The following SYT16 variants were observed in gnomAD, a reference collection of about 807,000 sequenced individuals.
The protein encoded by SYT16 is synaptotagmin-16.
SYT16 carries 42 observed loss-of-function variants against 61.4 expected under a neutral mutation model. That is an observed-to-expected ratio of 0.68 (90% CI 0.53 to 0.89). The LOEUF (loss-of-function observed/expected upper bound fraction) is 0.89. SYT16 is among the 40% of genes least tolerant of loss of function. The probability of loss-of-function intolerance (pLI) is 0.00; values close to 1 mark genes in which losing one functional copy is unlikely to be tolerated. For synonymous variants in SYT16, 314 were observed against 302.3 expected (o/e 1.04, Z -0.40); for missense variants, 804 against 807.3 (o/e 1.00, Z 0.05).
At chr14:61,938,849 A>G (rs2050093401) in intron 1 of SYT16, among the ~76,000 whole-genome samples, 6 of 152,202 alleles carry the variant, frequency 3.9e-5, no homozygotes, top group Admixed American at 3.3e-4. Flanking sequence ...AAGGACAGAC[A>G]TGAGGCTGGG....
chr14:61,999,396 T>C lies in SYT16; in HGVS notation c.523+2854T>C, dbSNP rs72718551. On this transcript the variant is annotated intron_variant, in intron 3 of 7. Transcript: ENST00000683842. ...CATTTCATCTATGTTGTTGAAGTTA[T>C]GGACATAGTAGTTAATTACTACTTT... Among the ~76,000 whole-genome samples the C allele has an allele frequency of 8.6e-3, 1,302 of 151,862 alleles. 24 individuals are homozygous for C. Among genetic ancestry groups the C allele is most frequent in the Non-Finnish European group, 8.3e-3 (564 of 67,784 alleles).
intron 1 of SYT16, among the ~76,000 whole-genome samples, chr14:61,950,245 T>C (rs754936066): frequency 2.6e-5 from 4 of 152,188 alleles, no homozygotes; most frequent in Admixed American, 6.5e-5. Context: ...TTGGCCTTGA[T>C]TCTGGAAAGG....
chr14:61,936,833 A>G (rs217691), intron 1 of SYT16, among the ~76,000 whole-genome samples: 138,827 of 152,280 alleles, frequency 0.91, 63,411 homozygotes, highest in South Asian at 0.98. Flanking sequence ...GCTGGGCCTG[A>G]CATGTTCCCT....
chr14:62,009,381 A>G (rs1207421996), intron 3 of SYT16, among the ~76,000 whole-genome samples: 2 of 152,236 alleles, frequency 1.3e-5, no homozygotes, highest in Non-Finnish European at 2.9e-5. Flanking sequence ...ACTCTAGATT[A>G]AAGTCAACCA....
At chr14:62,046,122 T>C (rs1273190341) in intron 3 of SYT16, among the ~76,000 whole-genome samples, 3 of 152,214 alleles carry the variant, frequency 2.0e-5, no homozygotes, top group East Asian at 1.9e-4. Context: ...TGTTGTTTCC[T>C]GACTTTTTAA....
At chr14:61,918,740 G>A (rs1003568058) in intron 1 of SYT16, among the ~76,000 whole-genome samples, 1 of 152,038 alleles carries the variant, frequency 6.6e-6, no homozygotes, top group African/African-American at 2.4e-5. Context: ...GTGGGGTGAT[G>A]AATCATGGTT....
Position 62,106,526 on chromosome 14 carries a change from C to T in SYT16, c.*5819C>T, listed in dbSNP as rs2057516314. On this transcript the variant is annotated 3_prime_UTR_variant, in exon 8 of 8. Transcript: ENST00000683842. ...GAATGAGAGGACACCCATGAATATA[C>T]CCTTTATAAAGTTCCTTCTAATATT... 1 of 152,086 alleles carries T rather than the reference C, an allele frequency of 6.6e-6. No individual in the cohort carries two copies. Among genetic ancestry groups the T allele is most frequent in the Non-Finnish European group, 1.5e-5 (1 of 68,000 alleles). 9.4% of individuals were successfully genotyped at this position (152,086 alleles called of 1,614,324 possible).
intron 5 of SYT16, 147 bp from the exon 6 acceptor site, chr14:62,080,687 C>G (rs971134384): frequency 2.6e-6 from 2 of 765,922 alleles, no homozygotes; most frequent in African/African-American, 3.5e-5. Context: ...CAGCGATAGA[C>G]CAGTAAACAG....
intron 1 of SYT16, among the ~76,000 whole-genome samples, chr14:61,936,229 C>T (rs181735098): frequency 3.9e-5 from 6 of 152,204 alleles, no homozygotes; most frequent in South Asian, 4.2e-4. Context: ...TGGGGTTATG[C>T]GCTGCCTCTT....
At chr14:61,853,006 C>G (rs1005699367) in intron 1 of SYT16, among the ~76,000 whole-genome samples, 1 of 152,178 alleles carries the variant, frequency 6.6e-6, no homozygotes, top group Non-Finnish European at 1.5e-5. Context: ...GCAACCTCCA[C>G]CTCCCAGGTT....
At chr14:61,852,066 C>A (rs969887208) in intron 1 of SYT16, among the ~76,000 whole-genome samples, 2 of 152,144 alleles carry the variant, frequency 1.3e-5, no homozygotes, top group African/African-American at 4.8e-5. Context: ...ACATTTAAGT[C>A]TTTACTCTAT....
At chr14:62,086,022 C>T (rs2056874253) in intron 7 of SYT16, among the ~76,000 whole-genome samples, 2 of 152,118 alleles carry the variant, frequency 1.3e-5, no homozygotes, top group African/African-American at 4.8e-5. Context: ...TTGTGGATCA[C>T]ACAATCATGG....
chr14:61,817,071 T>TG (rs1320082498), intron 1 of SYT16, among the ~76,000 whole-genome samples: 1 of 147,136 alleles, frequency 6.8e-6, no homozygotes, highest in African/African-American at 2.6e-5. Flanking sequence ...AATTGGAAAA[T>TG]GGGGGGAAAA....
At chr14:61,901,706 C>CA (rs1385808318) in intron 1 of SYT16, among the ~76,000 whole-genome samples, 3 of 150,682 alleles carry the variant, frequency 2.0e-5, no homozygotes, top group Admixed American at 6.6e-5. Flanking sequence ...AATATCTTAT[C>CA]AAAAAATGGA....
At chr14:61,995,583 T>C (rs2052731692) in intron 2 of SYT16, among the ~76,000 whole-genome samples, 1 of 152,116 alleles carries the variant, frequency 6.6e-6, no homozygotes, top group African/African-American at 2.4e-5. Context: ...TAATGAAGAT[T>C]CATTTATCCT....
chr14:61,941,800 T>TG (rs1326500325), intron 1 of SYT16, among the ~76,000 whole-genome samples: 1 of 152,074 alleles, frequency 6.6e-6, no homozygotes. Flanking sequence ...CTCAATGAAG[T>TG]GGGGGGCAGG....
chr14:61,865,286 C>T, intron 1 of SYT16: 2 of 771,266 alleles, frequency 2.6e-6, no homozygotes, highest in Non-Finnish European at 2.3e-6. Context: ...GCCTCATGCC[C>T]TACACATCCC....
chr14:62,102,813 A>G lies in SYT16; in HGVS notation c.*2106A>G, dbSNP rs2057446977. 2.0e-5 allele frequency: 3 copies of G among 152,280 alleles called. No homozygotes were observed. The highest frequency in any genetic ancestry group is 2.1e-4 in the South Asian group (1 of 4,826). The allele number at this position is 152,280 out of a possible 1,614,324, so 9.4% of individuals were successfully genotyped here. A position where few individuals can be genotyped will look rare whatever the true frequency, so the allele number is the denominator to read the frequency against. On this transcript the variant is annotated 3_prime_UTR_variant, in exon 8 of 8. Coordinates refer to ENST00000683842, the MANE Select transcript of SYT16 (RefSeq NM_001367656.1). The stretch of plus-strand genomic sequence containing the variant: ...GCTGCATCCTTGTTTCTTGGTACCC[A>G]ATAATCACCTATACTTCATTTTCTG...
At chr14:61,817,162 A>T (rs1287382970) in intron 1 of SYT16, among the ~76,000 whole-genome samples, 7 of 152,016 alleles carry the variant, frequency 4.6e-5, no homozygotes, top group African/African-American at 1.2e-4. Flanking sequence ...CATGCCTGTA[A>T]TCCGAGCACT....
Sources: gnomAD v4.1 joint callset for allele counts (sites outside exome capture counted in the v4.1 genomes callset) on GRCh38, gnomAD v4.1.1 for gene constraint, MANE v1.5 for transcripts, NCBI Gene and HGNC (gene_info 2026-07-23, HGNC 2026-07-21) for gene names.